DHRSX: variants seen among roughly 807,000 people sequenced by gnomAD.
The protein encoded by DHRSX is polyprenol dehydrogenase.
DHRSX carries 31 observed loss-of-function variants against 34.0 expected under a neutral mutation model. That is an observed-to-expected ratio of 0.91 (90% CI 0.69 to 1.23). DHRSX has a LOEUF of 1.23. Among genes scored for constraint, DHRSX ranks in the 50% most tolerant of loss-of-function variants. The probability of loss-of-function intolerance (pLI) is 0.00; values close to 1 mark genes in which losing one functional copy is unlikely to be tolerated. For missense variants in DHRSX, 414 were observed against 428.1 expected, an observed-to-expected ratio of 0.97 and a Z score of 0.29; for synonymous variants, 201 against 183.8, an observed-to-expected ratio of 1.09 and a Z score of -0.76.
chrX:2,485,775 G>A (rs866802961), intron 1 of DHRSX, among the ~76,000 whole-genome samples: 1 of 25,818 alleles, frequency 3.9e-5, no homozygotes, highest in Non-Finnish European at 6.9e-5. Context: ...AAGGAAGGAA[G>A]GGAGAAAAGG....
intron 3 of DHRSX, among the ~76,000 whole-genome samples, chrX:2,323,137 C>T (rs1349765680): frequency 6.6e-6 from 1 of 152,114 alleles, no homozygotes; most frequent in Admixed American, 6.6e-5. Context: ...CTGACTAAGA[C>T]AGTCTTGAAG....
At chrX:2,418,229 A>G (rs1000112800) in intron 2 of DHRSX, among the ~76,000 whole-genome samples, 10 of 152,216 alleles carry the variant, frequency 6.6e-5, no homozygotes, top group Non-Finnish European at 1.5e-4. Flanking sequence ...TAACTCAACC[A>G]GTCATCATGA....
chrX:2,305,984 T>C (rs1398944160), intron 3 of DHRSX, among the ~76,000 whole-genome samples: 6 of 149,340 alleles, frequency 4.0e-5, no homozygotes, highest in South Asian at 2.1e-4. Flanking sequence ...GAACTTAAAG[T>C]ACAATAATAA....
intron 1 of DHRSX, among the ~76,000 whole-genome samples, chrX:2,442,505 G>A (rs1360049494): frequency 2.0e-5 from 3 of 151,572 alleles, no homozygotes; most frequent in Non-Finnish European, 1.5e-5. Flanking sequence ...TCCAGGTATG[G>A]ATAATAAAGC....
rs1040215714 is a variant in DHRSX, at chrX:2,322,284, C to A, written c.287-30681G>T. On this transcript the variant is annotated intron_variant, in intron 3 of 6. Coordinates refer to ENST00000334651, the MANE Select transcript of DHRSX (RefSeq NM_145177.3). Reference sequence around the variant, plus strand: ...AAGTTCCTTATCAGGCGTGGTGGCTCAAGCCTGTAATCTCCACACTTTGGG... The same window carrying A: ...AAGTTCCTTATCAGGCGTGGTGGCTAAAGCCTGTAATCTCCACACTTTGGG... 2.2e-3 allele frequency among the ~76,000 whole-genome samples: 337 copies of A among 152,138 alleles called. 1 individual carries two copies. The highest frequency in any genetic ancestry group is 7.3e-3 in the African/African-American group (303 of 41,518).
At position 2,371,740 on chromosome X, in the gene DHRSX, CCCCTCCTCCTCCCATTACAGTAGT is replaced by C. The variant is rs2043075309; in HGVS notation, c.286+36981_286+37004del. Among the ~76,000 whole-genome samples the C allele has an allele frequency of 2.3e-4, 28 of 122,138 alleles. No individual in the cohort carries two copies. The South Asian group carries it at 6.3e-3, about 27-fold the overall frequency. 80.1% of individuals were successfully genotyped at this position (122,138 alleles called of 152,430 possible). ...GCCCCTCCTCCTCCCATTATCACAGCCCCTCCTCCTCCCATTACAGTAGTCCCTCCTCCTCTTATTGCAAAAGCT... is the reference window on the plus strand; with the variant it reads ...GCCCCTCCTCCTCCCATTATCACAGCCCCTCCTCCTCTTATTGCAAAAGCT... On this transcript the variant is annotated intron_variant, in intron 3 of 6. Coordinates refer to ENST00000334651, the MANE Select transcript of DHRSX (RefSeq NM_145177.3).
At chrX:2,488,877 G>A (rs769523414) in intron 1 of DHRSX, 25 of 1,612,374 alleles carry the variant, frequency 1.6e-5, no homozygotes, top group South Asian at 3.3e-5. Context: ...GGGGCGACGC[G>A]CGTGGCCGTC....
chrX:2,258,383 G>A (rs1212144958), intron 5 of DHRSX, among the ~76,000 whole-genome samples: 8 of 150,980 alleles, frequency 5.3e-5, no homozygotes, highest in African/African-American at 9.8e-5. Flanking sequence ...AACTTCTAGC[G>A]TCCAGGACTG....
intron 1 of DHRSX, among the ~76,000 whole-genome samples, chrX:2,460,029 A>C (rs2044380881): frequency 6.6e-6 from 1 of 151,970 alleles, no homozygotes; most frequent in Non-Finnish European, 1.5e-5. Flanking sequence ...AATGGCTTGA[A>C]CCCAGGAGGT....
At chrX:2,304,220 GATGGATGGATGGATGGATGGATAA>G (rs1569485901) in intron 3 of DHRSX, among the ~76,000 whole-genome samples, 3 of 131,468 alleles carry the variant, frequency 2.3e-5, no homozygotes, top group Admixed American at 7.6e-5. Flanking sequence ...TGGATGGATG[GATGGATGGATGGATGGATGGATAA>G]ATGGATGGAT....
At chrX:2,450,332 A>C (rs1344965755) in intron 1 of DHRSX, among the ~76,000 whole-genome samples, 1 of 152,076 alleles carries the variant, frequency 6.6e-6, no homozygotes, top group African/African-American at 2.4e-5. Flanking sequence ...CATTTATATA[A>C]AATTTAGTAA....
At chrX:2,317,332 G>C (rs772836434) in intron 3 of DHRSX, among the ~76,000 whole-genome samples, 17 of 147,334 alleles carry the variant, frequency 1.2e-4, no homozygotes, top group African/African-American at 2.0e-4. Context: ...GCTCACTGCA[G>C]CCTCCACCTC....
chrX:2,436,063 C>T (rs1232949327), intron 1 of DHRSX, among the ~76,000 whole-genome samples: 2 of 151,888 alleles, frequency 1.3e-5, no homozygotes, highest in African/African-American at 4.8e-5. Flanking sequence ...CATGGTAGCA[C>T]GCACCTGTAA....
chrX:2,393,033 A>G (rs2124622971), intron 3 of DHRSX, among the ~76,000 whole-genome samples: 1 of 146,304 alleles, frequency 6.8e-6, no homozygotes, highest in Non-Finnish European at 1.5e-5. Context: ...GTGAATTCAT[A>G]TGTATATACA....
intron 1 of DHRSX, among the ~76,000 whole-genome samples, chrX:2,440,653 A>G (rs2044051438): frequency 6.6e-6 from 1 of 150,690 alleles, no homozygotes; most frequent in African/African-American, 2.5e-5. Context: ...TCAAGACCCC[A>G]GGGTCTTTGG....
chrX:2,368,672 A>G (rs2043022535), intron 3 of DHRSX, among the ~76,000 whole-genome samples: 2 of 152,252 alleles, frequency 1.3e-5, no homozygotes, highest in Non-Finnish European at 2.9e-5. Flanking sequence ...CAACATGTCA[A>G]AACCCCGTCT....
intron 3 of DHRSX, among the ~76,000 whole-genome samples, chrX:2,400,493 T>C (rs2043472667): frequency 6.6e-6 from 1 of 152,100 alleles, no homozygotes; most frequent in Non-Finnish European, 1.5e-5. Context: ...ATGAATAACA[T>C]ATGTCCCAGT....
chrX:2,467,549 A>G (rs1184370359), intron 1 of DHRSX, among the ~76,000 whole-genome samples: 5 of 152,178 alleles, frequency 3.3e-5, no homozygotes, highest in African/African-American at 1.2e-4. Context: ...ACAATGTGTG[A>G]GATGCCAAAA....
At chrX:2,416,980 C>T (rs915516251) in intron 2 of DHRSX, among the ~76,000 whole-genome samples, 35 of 151,888 alleles carry the variant, frequency 2.3e-4, no homozygotes, top group Non-Finnish European at 4.7e-4. Context: ...AACTGCCATA[C>T]AAAATGAAAA....
Sources: allele counts gnomAD v4.1 joint callset (sites outside exome capture counted in the v4.1 genomes callset), GRCh38; gene constraint gnomAD v4.1.1; transcripts MANE v1.5; gene names NCBI Gene and HGNC (gene_info 2026-07-23, HGNC 2026-07-21).